STX8: variants seen among roughly 807,000 people sequenced by gnomAD.
The protein encoded by STX8 is syntaxin 8.
A neutral mutation model predicts 37.5 loss-of-function variants in STX8; 23 were observed. The observed-to-expected ratio is 0.61, with a 90% CI of 0.44 to 0.87. The LOEUF (loss-of-function observed/expected upper bound fraction) is 0.87. STX8 is among the 40% of genes least tolerant of loss of function. The pLI, the probability that STX8 is intolerant of heterozygous loss-of-function variation, is 0.00. For synonymous variants in STX8, 115 were observed against 99.1 expected (o/e 1.16, Z -0.95); for missense variants, 313 against 284.7 (o/e 1.10, Z -0.71).
intron 6 of STX8, among the ~76,000 whole-genome samples, chr17:9,445,613 T>C (rs1294884971): frequency 6.6e-6 from 1 of 151,760 alleles, no homozygotes; most frequent in Non-Finnish European, 1.5e-5. Flanking sequence ...ACCTAAGTTG[T>C]AAATCGGAAT....
intron 7 of STX8, among the ~76,000 whole-genome samples, chr17:9,340,638 T>A (rs1416788344): frequency 6.7e-6 from 1 of 148,730 alleles, no homozygotes; most frequent in Non-Finnish European, 1.5e-5. Context: ...TTCTTATCAA[T>A]GTTGCACTTG....
chr17:9,458,895 T>C (rs559187383), intron 6 of STX8, among the ~76,000 whole-genome samples: 10 of 151,376 alleles, frequency 6.6e-5, no homozygotes, highest in African/African-American at 2.4e-4. Context: ...AGTGGTGCAA[T>C]CTCGGCTCAC....
At chr17:9,552,600 C>A (rs1340263367) in intron 3 of STX8, among the ~76,000 whole-genome samples, 2 of 151,996 alleles carry the variant, frequency 1.3e-5, no homozygotes, top group African/African-American at 4.8e-5. Flanking sequence ...TATCTACTTA[C>A]CTATCTTTGT....
chr17:9,568,764 G>T (rs749822899), intron 1 of STX8, among the ~76,000 whole-genome samples: 16 of 152,204 alleles, frequency 1.1e-4, no homozygotes, highest in African/African-American at 2.7e-4. Context: ...CTCCCAAAGT[G>T]CTGGGATTAC....
chr17:9,542,835 T>C (rs2142563472), intron 4 of STX8, among the ~76,000 whole-genome samples: 1 of 152,152 alleles, frequency 6.6e-6, no homozygotes, highest in South Asian at 2.1e-4. Flanking sequence ...AAATTCTGAG[T>C]TTGTAACACA....
intron 6 of STX8, among the ~76,000 whole-genome samples, chr17:9,403,819 T>C (rs1406526368): frequency 6.6e-6 from 1 of 152,032 alleles, no homozygotes; most frequent in Non-Finnish European, 1.5e-5. Context: ...GCTAATTCTT[T>C]GTATTTTTAG....
intron 3 of STX8, among the ~76,000 whole-genome samples, chr17:9,546,061 C>G (rs1409544994): frequency 3.9e-5 from 6 of 152,160 alleles, no homozygotes; most frequent in Non-Finnish European, 7.3e-5. Flanking sequence ...CTATATTGCT[C>G]TCTTTCTTCC....
intron 4 of STX8, among the ~76,000 whole-genome samples, chr17:9,536,905 G>A (rs574657033): frequency 4.1e-4 from 62 of 152,048 alleles, no homozygotes; most frequent in African/African-American, 1.4e-3. Context: ...CACCATGCCC[G>A]GCTAATTTTT....
chr17:9,365,080 C>T (rs1911186764), intron 7 of STX8, among the ~76,000 whole-genome samples: 1 of 150,778 alleles, frequency 6.6e-6, no homozygotes, highest in African/African-American at 2.5e-5. Context: ...TTAGAACAAA[C>T]AGGCCTGGCG....
Position 9,507,923 on chromosome 17 carries a change from T to C in STX8, c.324-2761A>G, listed in dbSNP as rs1904897958. On this transcript the variant is annotated intron_variant, in intron 4 of 7. Transcript: ENST00000306357. The surrounding 1 kb of genome is among the most constrained non-coding windows in gnomAD (Gnocchi z 4.0). ...ACACCCCAAGATCCATTCATACAAATATTTCTTTCCCTGCAAAACCTACCA... is the reference window on the plus strand; with the variant it reads ...ACACCCCAAGATCCATTCATACAAACATTTCTTTCCCTGCAAAACCTACCA... 6.6e-6 allele frequency among the ~76,000 whole-genome samples: 1 copy of C among 152,114 alleles called. No homozygotes were observed. The highest frequency in any genetic ancestry group is 1.5e-5 in the Non-Finnish European group (1 of 68,034).
intron 7 of STX8, among the ~76,000 whole-genome samples, chr17:9,264,978 G>C (rs1406076015): frequency 6.6e-6 from 1 of 151,828 alleles, no homozygotes; most frequent in Non-Finnish European, 1.5e-5. Context: ...AATTACCTAG[G>C]TGTGATGGCA....
chr17:9,437,127 T>C (rs1447760369), intron 6 of STX8, among the ~76,000 whole-genome samples: 1 of 152,204 alleles, frequency 6.6e-6, no homozygotes, highest in Non-Finnish European at 1.5e-5. Flanking sequence ...GAGCAGACAG[T>C]TGTACTATTA....
At chr17:9,493,668 G>A (rs1906952615) in intron 5 of STX8, among the ~76,000 whole-genome samples, 2 of 152,320 alleles carry the variant, frequency 1.3e-5, no homozygotes, top group East Asian at 1.9e-4. Flanking sequence ...TGGACATTCT[G>A]TCTCAGCCTG....
At chr17:9,574,177 A>G (rs1487145063) in intron 1 of STX8, among the ~76,000 whole-genome samples, 2 of 151,760 alleles carry the variant, frequency 1.3e-5, no homozygotes, top group African/African-American at 4.8e-5. Context: ...AGGCTGAGGC[A>G]GGAGAGTTGC....
At chr17:9,562,523 T>C (rs528408898) in intron 2 of STX8, among the ~76,000 whole-genome samples, 6 of 151,144 alleles carry the variant, frequency 4.0e-5, no homozygotes, top group African/African-American at 1.5e-4. Flanking sequence ...CCATAATACG[T>C]GAGGAGCTCT....
chr17:9,360,227 C>CTTTTTT (rs58213453), intron 7 of STX8, among the ~76,000 whole-genome samples: 7 of 72,610 alleles, frequency 9.6e-5, no homozygotes, highest in African/African-American at 2.7e-4. Flanking sequence ...AATTAACCGT[C>CTTTTTT]TTTTTTTTTT....
At chr17:9,371,006 A>C (rs1265381057) in intron 7 of STX8, among the ~76,000 whole-genome samples, 1 of 152,140 alleles carries the variant, frequency 6.6e-6, no homozygotes, top group African/African-American at 2.4e-5. Flanking sequence ...AAATCCACAC[A>C]AAAATCTCGG....
At chr17:9,378,343 A>G (rs1911671732) in intron 7 of STX8, 1 of 494,672 alleles carries the variant, frequency 2.0e-6, no homozygotes, top group Non-Finnish European at 3.7e-6. Flanking sequence ...AACAACAACA[A>G]AAAAACAATG....
intron 5 of STX8, among the ~76,000 whole-genome samples, chr17:9,493,448 A>C (rs1010071810): frequency 6.6e-6 from 1 of 152,126 alleles, no homozygotes. Flanking sequence ...AATACCCAGA[A>C]CCAGCAACTT....
Sources: allele counts gnomAD v4.1 joint callset (sites outside exome capture counted in the v4.1 genomes callset), GRCh38; gene constraint gnomAD v4.1.1; non-coding constraint Gnocchi (gnomAD v3.1); transcripts MANE v1.5; gene names NCBI Gene and HGNC (gene_info 2026-07-23, HGNC 2026-07-21).